The following LOXHD1 variants were observed in gnomAD, a reference collection of about 807,000 sequenced individuals.
The protein encoded by LOXHD1 is lipoxygenase homology domain-containing protein 1.
A neutral mutation model predicts 248.2 loss-of-function variants in LOXHD1; 205 were observed. The observed-to-expected ratio is 0.83, with a 90% CI of 0.74 to 0.93. The LOEUF (loss-of-function observed/expected upper bound fraction) is 0.93. Ranked by LOEUF, LOXHD1 falls within the 40% of genes least tolerant of loss-of-function variation. LOXHD1 has a pLI of 0.00. For synonymous variants in LOXHD1, 1,113 were observed against 1,162.8 expected, an observed-to-expected ratio of 0.96 and a Z score of 0.87; for missense variants, 2,930 against 2,971.6, an observed-to-expected ratio of 0.99 and a Z score of 0.33.
intron 11 of LOXHD1, 133 bp from the exon 12 acceptor site, chr18:46,592,201 G>A (rs2038183092): frequency 4.0e-6 from 5 of 1,246,544 alleles, no homozygotes; most frequent in Admixed American, 4.1e-5. Context: ...GGCAGGCAGA[G>A]GGCCGGATTA....
At chr18:46,534,281 C>G in intron 27 of LOXHD1, 54 bp downstream of exon 27, 2 of 1,349,710 alleles carry the variant, frequency 1.5e-6, no homozygotes, top group Non-Finnish European at 2.1e-6. Context: ...TTGCCTTGAA[C>G]CTGCTCTGGA....
chr18:46,479,236 A>ATGTGTGTGTG (rs10645069), intron 40 of LOXHD1, among the ~76,000 whole-genome samples: 1,743 of 142,864 alleles, frequency 0.012, 27 homozygotes, highest in East Asian at 0.037. Flanking sequence ...ATATATATGT[A>ATGTGTGTGTG]TGTGTGTGTG....
In LOXHD1 at chr18:46,604,092, T is replaced by G; in HGVS notation, c.883+14A>C. ...TGAAATACCCAAAAGAGCCTCCCCT[T>G]TCTTCAAATCTACCTGTGGTCTCAG... On this transcript the variant is annotated intron_variant, in intron 7 of 40. Coordinates refer to ENST00000642948, the MANE Select transcript of LOXHD1 (RefSeq NM_001384474.1). 6.4e-7 allele frequency: 1 copy of G among 1,551,680 alleles called. No individual in the cohort carries two copies. Among genetic ancestry groups the G allele is most frequent in the Non-Finnish European group, 8.7e-7 (1 of 1,146,942 alleles).
At chr18:46,529,046 A>G in intron 29 of LOXHD1, 131 bp downstream of exon 29, 2 of 1,117,144 alleles carry the variant, frequency 1.8e-6, no homozygotes, top group Non-Finnish European at 1.3e-6. Context: ...GGGCAAGGGC[A>G]GAGGCCCAAA....
At chr18:46,502,666 T>G (rs2034309982) in intron 37 of LOXHD1, among the ~76,000 whole-genome samples, 1 of 152,144 alleles carries the variant, frequency 6.6e-6, no homozygotes, top group Non-Finnish European at 1.5e-5. Context: ...CCAAGACTGC[T>G]GAGTGATTTC....
Position 46,559,514 on chromosome 18 carries a change from C to T in LOXHD1, c.3150G>A (p.Glu1050=). 6.4e-7 allele frequency: 1 copy of T among 1,552,076 alleles called. No individual in the cohort carries two copies. The highest frequency in any genetic ancestry group is 8.7e-7 in the Non-Finnish European group (1 of 1,147,084). The change falls in exon 20 of 41, where the codon GAG becomes GAA. Residue 1050 remains glutamate (E), a synonymous_variant. Transcript: ENST00000642948. Reference sequence around the variant, plus strand: ...GGGGTCGTTCGCCCGTGTCTCCATACTCCTCGCCGTAGATGGTTAGGTAGA... The same window carrying T: ...GGGGTCGTTCGCCCGTGTCTCCATATTCCTCGCCGTAGATGGTTAGGTAGA... The part of the protein sequence containing the change: ...ANVYLTIYGE[E]YGDTGERPLK...
intron 4 of LOXHD1, among the ~76,000 whole-genome samples, chr18:46,630,726 G>A (rs2038809158): frequency 6.6e-6 from 1 of 151,846 alleles, no homozygotes; most frequent in Non-Finnish European, 1.5e-5. Flanking sequence ...TGGGCACTGT[G>A]TCCTGTGAAT....
chr18:46,557,525 C>A, intron 20 of LOXHD1, 36 bp from the exon 21 acceptor site: 3 of 1,551,092 alleles, frequency 1.9e-6, no homozygotes, highest in Non-Finnish European at 2.6e-6. Context: ...TGGGGTAAGA[C>A]CTACCCCTCC....
intron 21 of LOXHD1, among the ~76,000 whole-genome samples, chr18:46,552,795 C>G (rs2037160675): frequency 6.6e-6 from 1 of 152,234 alleles, no homozygotes; most frequent in Admixed American, 6.5e-5. Context: ...ATGCCCTCAT[C>G]TGCTCCTCTC....
At chr18:46,525,326 C>T (rs562219152) in intron 29 of LOXHD1, among the ~76,000 whole-genome samples, 3 of 152,184 alleles carry the variant, frequency 2.0e-5, no homozygotes, top group South Asian at 4.2e-4. Flanking sequence ...CTGTGGCAAC[C>T]GGAGGGCAAA....
intron 39 of LOXHD1, 84 bp downstream of exon 39, chr18:46,484,935 T>C (rs2032912427): frequency 2.0e-6 from 3 of 1,493,316 alleles, no homozygotes; most frequent in Non-Finnish European, 2.7e-6. Flanking sequence ...TGTGTACCTA[T>C]GGCTCCCACC....
Position 46,612,724 on chromosome 18 carries a change from A to G in LOXHD1, c.611-1800T>C, listed in dbSNP as rs527502730. On this transcript the variant is annotated intron_variant, in intron 5 of 40. Coordinates refer to ENST00000642948, the MANE Select transcript of LOXHD1 (RefSeq NM_001384474.1). ...TACTCCTTTAGAGTTTCTTCTAAAA[A>G]TTTTTTATTTTTGTTTTTTCACATT... Among the ~76,000 whole-genome samples the G allele has an allele frequency of 2.0e-5, 3 of 152,236 alleles. No homozygotes were observed. The East Asian group carries it at 5.8e-4, about 29-fold the overall frequency.
chr18:46,645,830 G>A (rs929707614), intron 2 of LOXHD1, among the ~76,000 whole-genome samples: 5 of 152,116 alleles, frequency 3.3e-5, no homozygotes, highest in African/African-American at 1.2e-4. Context: ...GGGCACAGAA[G>A]GAAAGGCACA....
chr18:46,655,111 CTGGTGCA>C (rs1050333084), intron 1 of LOXHD1, among the ~76,000 whole-genome samples: 19 of 152,298 alleles, frequency 1.2e-4, no homozygotes, highest in Admixed American at 3.3e-4. Flanking sequence ...AACTCAGTGC[CTGGTGCA>C]TGGTGCATGA....
chr18:46,602,228 CAG>C lies in LOXHD1; in HGVS notation c.884-763_884-762del, dbSNP rs376607464. On this transcript the variant is annotated intron_variant, in intron 7 of 40. Transcript: ENST00000642948. ...TTATTTATTTTTTATTTTTTTGAGA[CAG>C]AGTCTCACTCTATCACCCAGGCTGG... 2.7e-4 allele frequency among the ~76,000 whole-genome samples: 41 copies of C among 152,204 alleles called. No homozygotes were observed. In the East Asian group the frequency reaches 7.0e-3, roughly 26 times the overall value.
chr18:46,633,327 A>G (rs1364208112), intron 4 of LOXHD1, among the ~76,000 whole-genome samples: 2 of 152,214 alleles, frequency 1.3e-5, no homozygotes, highest in Non-Finnish European at 2.9e-5. Context: ...TATCATATAT[A>G]TAGTCAAATA....
At chr18:46,565,552 C>T (rs1294339368) in intron 17 of LOXHD1, among the ~76,000 whole-genome samples, 2 of 152,296 alleles carry the variant, frequency 1.3e-5, no homozygotes, top group African/African-American at 2.4e-5. Flanking sequence ...CTCAATAGAC[C>T]GTCATTCCTC....
At chr18:46,643,020 C>G (rs911795636) in intron 2 of LOXHD1, among the ~76,000 whole-genome samples, 1 of 152,316 alleles carries the variant, frequency 6.6e-6, no homozygotes, top group African/African-American at 2.4e-5. Flanking sequence ...TAAAATAAAG[C>G]GGAAGGGGAA....
Position 46,639,797 on chromosome 18 carries a change from A to C in LOXHD1, c.330T>G (p.Ile110Met). 1 of 1,551,716 alleles carries C rather than the reference A, an allele frequency of 6.4e-7. No individual in the cohort carries two copies. The highest frequency in any genetic ancestry group is 8.7e-7 in the Non-Finnish European group (1 of 1,146,986). The change falls in exon 4 of 41, where the codon ATT (isoleucine) becomes ATG (methionine). Residue 110 changes from isoleucine (I) to methionine (M), a missense_variant. Coordinates refer to ENST00000642948, the MANE Select transcript of LOXHD1 (RefSeq NM_001384474.1). ...CATTCAAGCCCGTGTTGTCATGCTCAATCCTGAGGCAGAAGCCAAGGCCCA... is the reference window on the plus strand; with the variant it reads ...CATTCAAGCCCGTGTTGTCATGCTCCATCCTGAGGCAGAAGCCAAGGCCCA... ...NNVGLIYKVR[I>M]EHDNTGLNAS...
Sources: gnomAD v4.1 joint callset for allele counts (sites outside exome capture counted in the v4.1 genomes callset) on GRCh38, gnomAD v4.1.1 for gene constraint, MANE v1.5 for transcripts, NCBI Gene and HGNC (gene_info 2026-07-23, HGNC 2026-07-21) for gene names.